The following SYT1 variants were observed in gnomAD, a reference collection of about 807,000 sequenced individuals.
SYT1 encodes synaptotagmin-1.
Under a neutral mutation model 44.8 loss-of-function variants are expected in SYT1, and 8 were observed. The observed-to-expected ratio is 0.18, with a 90% confidence interval of 0.10 to 0.32. The LOEUF is 0.32. SYT1 is among the 10% of genes least tolerant of loss of function. The pLI is 1.00. For missense variants in SYT1, 286 were observed against 509.3 expected, an observed-to-expected ratio of 0.56 and a Z score of 4.22; for synonymous variants, 154 against 188.8, an observed-to-expected ratio of 0.82 and a Z score of 1.51.
At chr12:78,880,263 T>C (rs1047805786) in intron 1 of SYT1, among the ~76,000 whole-genome samples, 3 of 151,636 alleles carry the variant, frequency 2.0e-5, no homozygotes, top group African/African-American at 7.2e-5. Context: ...TTCTTCCCCT[T>C]CCCACTGGAT....
At chr12:79,229,609 T>G (rs1295230874) in intron 4 of SYT1, among the ~76,000 whole-genome samples, 3 of 151,432 alleles carry the variant, frequency 2.0e-5, no homozygotes, top group African/African-American at 7.3e-5. Context: ...TTTTTATTTT[T>G]TTTAGACAGA....
intron 8 of SYT1, among the ~76,000 whole-genome samples, chr12:79,311,260 T>C (rs914253556): frequency 6.6e-6 from 1 of 152,118 alleles, no homozygotes; most frequent in South Asian, 2.1e-4. Context: ...AAAAAACACA[T>C]GAAAAAATGC....
At chr12:78,868,782 GATA>G (rs1247668903) in intron 1 of SYT1, 1 of 151,814 alleles carries the variant, frequency 6.6e-6, no homozygotes, top group Non-Finnish European at 1.5e-5. Flanking sequence ...AATACTCAGA[GATA>G]ATATTAATGA....
At chr12:78,955,149 C>A (rs971894930) in intron 1 of SYT1, among the ~76,000 whole-genome samples, 1 of 152,004 alleles carries the variant, frequency 6.6e-6, no homozygotes, top group Non-Finnish European at 1.5e-5. Context: ...TTTGAAATGA[C>A]GGTTAAACAG....
At chr12:79,015,047 T>A (rs1172983419) in intron 2 of SYT1, among the ~76,000 whole-genome samples, 5 of 150,786 alleles carry the variant, frequency 3.3e-5, no homozygotes, top group African/African-American at 1.2e-4. Context: ...AACATCACAC[T>A]CTGGGGACTG....
chr12:79,206,284 C>CA (rs1874121888), intron 3 of SYT1, among the ~76,000 whole-genome samples: 1 of 152,104 alleles, frequency 6.6e-6, no homozygotes, highest in South Asian at 2.1e-4. Flanking sequence ...CAAAATCTTC[C>CA]AAATTGCTTG....
intron 4 of SYT1, among the ~76,000 whole-genome samples, chr12:79,220,186 G>A (rs995569503): frequency 6.6e-6 from 1 of 151,846 alleles, no homozygotes; most frequent in African/African-American, 2.4e-5. Context: ...TGTTTTCTTG[G>A]TTATCCAATT....
intron 1 of SYT1, among the ~76,000 whole-genome samples, chr12:78,963,296 GGCAACAAAA>G (rs1435606799): frequency 6.6e-6 from 1 of 151,748 alleles, no homozygotes. Context: ...TAAAATTACG[GGCAACAAAA>G]GCAAAAATAG....
chr12:78,906,967 C>T (rs1029008821), intron 1 of SYT1, among the ~76,000 whole-genome samples: 2 of 152,068 alleles, frequency 1.3e-5, no homozygotes, highest in African/African-American at 4.8e-5. Flanking sequence ...ATACCTACTG[C>T]TATAACTTTT....
chr12:79,274,127 C>T (rs1262991900), intron 4 of SYT1, among the ~76,000 whole-genome samples: 1 of 152,180 alleles, frequency 6.6e-6, no homozygotes, highest in Non-Finnish European at 1.5e-5. Context: ...AAATGAGATT[C>T]GTGATCTAAT....
At chr12:79,040,751 T>A (rs1263476795) in intron 2 of SYT1, among the ~76,000 whole-genome samples, 1 of 152,164 alleles carries the variant, frequency 6.6e-6, no homozygotes, top group Non-Finnish European at 1.5e-5. Context: ...GTTTTTATGG[T>A]TTTAGGTCTA....
chr12:79,436,883 C>A (rs1434024617), intron 9 of SYT1, among the ~76,000 whole-genome samples: 2 of 151,850 alleles, frequency 1.3e-5, no homozygotes, highest in Non-Finnish European at 2.9e-5. Flanking sequence ...TCCTCCAATA[C>A]CAGAAAAGAA....
At chr12:79,328,447 T>C (rs1881703390) in intron 8 of SYT1, among the ~76,000 whole-genome samples, 1 of 152,216 alleles carries the variant, frequency 6.6e-6, no homozygotes, top group Admixed American at 6.5e-5. Context: ...TTTAATGTTT[T>C]ATATGCAGTA....
chr12:78,957,109 T>C (rs1461027940), intron 1 of SYT1, among the ~76,000 whole-genome samples: 1 of 152,170 alleles, frequency 6.6e-6, no homozygotes, highest in Non-Finnish European at 1.5e-5. Context: ...TGGGCAAACA[T>C]CTGCTTAGTT....
At chr12:79,156,596 T>C (rs950262715) in intron 3 of SYT1, among the ~76,000 whole-genome samples, 3 of 152,022 alleles carry the variant, frequency 2.0e-5, no homozygotes, top group Admixed American at 6.6e-5. Context: ...GCTTCCCAAG[T>C]AGCTGGGACT....
intron 3 of SYT1, among the ~76,000 whole-genome samples, chr12:79,152,483 T>C (rs1018884427): frequency 2.0e-5 from 3 of 152,224 alleles, no homozygotes; most frequent in East Asian, 1.9e-4. Context: ...ACGGAGATTG[T>C]TGTTTGTTTG....
chr12:79,209,572 A>G (rs1404524670), intron 3 of SYT1, among the ~76,000 whole-genome samples: 1 of 152,216 alleles, frequency 6.6e-6, no homozygotes, highest in African/African-American at 2.4e-5. Flanking sequence ...TGTGAAGGCC[A>G]TTCCTGGGTA....
intron 3 of SYT1, among the ~76,000 whole-genome samples, chr12:79,135,382 A>C (rs1220959532): frequency 6.6e-6 from 1 of 151,896 alleles, no homozygotes; most frequent in African/African-American, 2.4e-5. Flanking sequence ...ATATCTCAAT[A>C]AGGGTAGGGT....
At chr12:79,179,062 AT>A (rs1474743387) in intron 3 of SYT1, among the ~76,000 whole-genome samples, 1 of 107,260 alleles carries the variant, frequency 9.3e-6, no homozygotes, top group East Asian at 2.4e-4. Context: ...ATAGATATAG[AT>A]ATAGATATAT....
Sources: allele counts gnomAD v4.1 joint callset (sites outside exome capture counted in the v4.1 genomes callset), GRCh38; gene constraint gnomAD v4.1.1; transcripts MANE v1.5; gene names NCBI Gene and HGNC (gene_info 2026-07-23, HGNC 2026-07-21).